CSMD1: variants seen among roughly 807,000 people sequenced by gnomAD.
CSMD1 encodes the protein CUB and sushi domain-containing protein 1.
CSMD1 carries 213 observed loss-of-function variants against 417.5 expected under a neutral mutation model. The ratio of observed to expected loss-of-function variants is 0.51; its 90% confidence interval spans 0.46 to 0.57. CSMD1 has a LOEUF of 0.57. CSMD1 is among the 20% of genes least tolerant of loss of function. The pLI is 0.00. For synonymous variants in CSMD1, 2,862 were observed against 1,736.8 expected (o/e 1.65, Z -16.11); for missense variants, 6,923 against 4,529.7 (o/e 1.53, Z -15.17).
intron 1 of CSMD1, chr8:4,787,318 GC>G: frequency 1.4e-6 from 1 of 718,870 alleles, no homozygotes; most frequent in Non-Finnish European, 2.5e-6. Context: ...GCAGCCCTCA[GC>G]CCACTCAGGA....
At chr8:3,495,655 T>C (rs1796334083) in intron 10 of CSMD1, among the ~76,000 whole-genome samples, 1 of 152,218 alleles carries the variant, frequency 6.6e-6, no homozygotes, top group East Asian at 1.9e-4. Context: ...TTTACAAATA[T>C]ATGCAGCTGT....
chr8:3,505,241 G>C (rs961318585), intron 10 of CSMD1, among the ~76,000 whole-genome samples: 2 of 152,074 alleles, frequency 1.3e-5, no homozygotes, highest in Admixed American at 6.6e-5. Context: ...GAATAAACCA[G>C]AACACTGTTA....
intron 5 of CSMD1, among the ~76,000 whole-genome samples, chr8:3,821,969 T>C (rs555525189): frequency 6.6e-6 from 1 of 152,194 alleles, no homozygotes; most frequent in Non-Finnish European, 1.5e-5. Flanking sequence ...TCTCTCATGT[T>C]TCCCTTCACA....
In CSMD1 at chr8:3,343,684, A is replaced by G. The variant is rs180950749; in HGVS notation, c.3475-234T>C. Among the ~76,000 whole-genome samples the G allele has an allele frequency of 2.5e-4, 38 of 152,294 alleles. No individual in the cohort carries two copies. In the East Asian group the frequency reaches 5.4e-3, roughly 22 times the overall value. On this transcript the variant is annotated intron_variant, in intron 22 of 69. Coordinates refer to ENST00000635120, the MANE Select transcript of CSMD1 (RefSeq NM_033225.6). ...ATTCCATTCTTGTTCAGATCATTTTATATTCATTACTTTAAGAGCTCTTTC... is the reference window on the plus strand; with the variant it reads ...ATTCCATTCTTGTTCAGATCATTTTGTATTCATTACTTTAAGAGCTCTTTC...
chr8:2,944,409 G>A (rs1341414376), intron 68 of CSMD1, among the ~76,000 whole-genome samples: 2 of 152,192 alleles, frequency 1.3e-5, no homozygotes, highest in East Asian at 1.9e-4. Context: ...GACAAGGGGT[G>A]GTGCTGTCCA....
chr8:3,265,319 A>T (rs1801356083), intron 26 of CSMD1, among the ~76,000 whole-genome samples: 1 of 152,230 alleles, frequency 6.6e-6, no homozygotes, highest in African/African-American at 2.4e-5. Context: ...AATCAGTGCG[A>T]AGTATGTATG....
At chr8:4,263,335 T>G (rs970421678) in intron 3 of CSMD1, among the ~76,000 whole-genome samples, 7 of 152,128 alleles carry the variant, frequency 4.6e-5, no homozygotes, top group African/African-American at 1.7e-4. Flanking sequence ...GTGACTTCTT[T>G]CCCCTGGAGT....
chr8:3,793,295 T>G (rs556106569), intron 5 of CSMD1, among the ~76,000 whole-genome samples: 33 of 152,318 alleles, frequency 2.2e-4, no homozygotes, highest in African/African-American at 7.7e-4. Flanking sequence ...TTTTCCTATT[T>G]TTAGAATTTC....
chr8:4,008,767 C>G (rs762686226), intron 4 of CSMD1, among the ~76,000 whole-genome samples: 5 of 151,746 alleles, frequency 3.3e-5, no homozygotes, highest in African/African-American at 9.7e-5. Flanking sequence ...TCCGGCACCA[C>G]GCCTGGCTAA....
intron 3 of CSMD1, among the ~76,000 whole-genome samples, chr8:4,242,593 C>A (rs181425585): frequency 1.3e-5 from 2 of 152,260 alleles, no homozygotes; most frequent in Admixed American, 6.5e-5. Flanking sequence ...ATGAATGTAT[C>A]TACAAATAAA....
intron 12 of CSMD1, among the ~76,000 whole-genome samples, chr8:3,417,735 G>C (rs1420452328): frequency 1.3e-5 from 2 of 152,038 alleles, no homozygotes; most frequent in African/African-American, 4.8e-5. Context: ...TTTTTTCCCT[G>C]AGACTTTCAC....
chr8:3,734,050 G>C (rs1433176506), intron 6 of CSMD1, among the ~76,000 whole-genome samples: 1 of 132,002 alleles, frequency 7.6e-6, no homozygotes, highest in Non-Finnish European at 1.7e-5. Context: ...AGAAATGCAA[G>C]CTGTTTAAAA....
rs77224685 is a variant in CSMD1, at chr8:3,534,395, T to C, written c.1344+40550A>G. 1.1e-3 allele frequency among the ~76,000 whole-genome samples: 160 copies of C among 152,232 alleles called. 4 individuals are homozygous for C. In the East Asian group the frequency reaches 0.027, roughly 26 times the overall value. On this transcript the variant is annotated intron_variant, in intron 10 of 69. Coordinates refer to ENST00000635120, the MANE Select transcript of CSMD1 (RefSeq NM_033225.6). Reference sequence around the variant, plus strand: ...TTCAGGATTGCTTTGTAGACTCAGTTTAATGCCTCTTGATCTTCTCTCCTT... The same window carrying C: ...TTCAGGATTGCTTTGTAGACTCAGTCTAATGCCTCTTGATCTTCTCTCCTT...
chr8:3,121,249 A>G (rs1180313814), intron 41 of CSMD1, among the ~76,000 whole-genome samples: 1 of 152,172 alleles, frequency 6.6e-6, no homozygotes, highest in Admixed American at 6.5e-5. Context: ...AGCCCTGACT[A>G]TAGTCAGCAG....
chr8:4,815,471 G>A (rs140807319), intron 1 of CSMD1, among the ~76,000 whole-genome samples: 76 of 152,036 alleles, frequency 5.0e-4, no homozygotes, highest in African/African-American at 1.8e-3. Flanking sequence ...TGAGGTGGGA[G>A]CATCACATGA....
Position 3,023,827 on chromosome 8 carries a change from G to T in CSMD1, c.7856-5177C>A, listed in dbSNP as rs563053455. Among the ~76,000 whole-genome samples, 8 of 150,026 alleles carry T rather than the reference G, an allele frequency of 5.3e-5. 1 individual carries two copies. The South Asian group carries it at 1.3e-3, about 24-fold the overall frequency. ...ATTTCTGGGAGATCTTACAAGCAGGGCCACTCTAAAATGAACACTGGGGAG... is the reference window on the plus strand; with the variant it reads ...ATTTCTGGGAGATCTTACAAGCAGGTCCACTCTAAAATGAACACTGGGGAG... On this transcript the variant is annotated intron_variant, in intron 51 of 69. Transcript: ENST00000635120.
rs530960669 is a variant in CSMD1 at position 3,362,345 on chromosome 8, A to G, written c.3116-3005T>C. Among the ~76,000 whole-genome samples the G allele has an allele frequency of 5.3e-5, 8 of 152,204 alleles. 1 individual carries two copies. In the South Asian group the frequency reaches 1.7e-3, roughly 32 times the overall value. ...CTTTCCTTCACAGCCTTCCACTCAA[A>G]TGATCTTACCAAAGCCACTGTGACC... On this transcript the variant is annotated intron_variant, in intron 20 of 69. Coordinates refer to ENST00000635120, the MANE Select transcript of CSMD1 (RefSeq NM_033225.6).
chr8:4,125,878 G>A (rs1373365978), intron 3 of CSMD1, among the ~76,000 whole-genome samples: 1 of 152,094 alleles, frequency 6.6e-6, no homozygotes, highest in Non-Finnish European at 1.5e-5. Flanking sequence ...TACAAGTTTA[G>A]GACTTACGGT....
intron 3 of CSMD1, among the ~76,000 whole-genome samples, chr8:4,153,328 C>A (rs1242625985): frequency 6.6e-6 from 1 of 152,144 alleles, no homozygotes; most frequent in African/African-American, 2.4e-5. Context: ...CGACATTGCC[C>A]CGTTTTGTGA....
Sources: gnomAD v4.1 joint callset for allele counts (sites outside exome capture counted in the v4.1 genomes callset) on GRCh38, gnomAD v4.1.1 for gene constraint, MANE v1.5 for transcripts, NCBI Gene and HGNC (gene_info 2026-07-23, HGNC 2026-07-21) for gene names.